ZNF519: variants seen among roughly 807,000 people sequenced by gnomAD.
ZNF519 encodes the protein zinc finger protein 519, also known as similar to Zinc finger protein 85 (Zinc finger protein HPF4) (HTF1).
In ZNF519, 7 loss-of-function variants were observed where a neutral mutation model predicts 7.4. That is an observed-to-expected ratio of 0.94 (90% confidence interval 0.54 to 1.77). ZNF519 has a LOEUF of 1.77. Among genes scored for constraint, ZNF519 ranks in the 40% most tolerant of loss-of-function variants. The pLI is 0.00. For synonymous variants in ZNF519, 179 were observed against 203.3 expected (o/e 0.88, Z 1.02); for missense variants, 586 against 623.1 (o/e 0.94, Z 0.63).
chr18:14,098,703 T>C (rs1425591702), downstream of ZNF519, among the ~76,000 whole-genome samples: 1 of 152,214 alleles, frequency 6.6e-6, no homozygotes, highest in Non-Finnish European at 1.5e-5. Flanking sequence ...TCTGGAACAC[T>C]GCCAAGATTT....
chr18:14,102,041 C>T lies in ZNF519; in HGVS notation c.*2876G>A, dbSNP rs960399553. 1 of 279,250 alleles carries T rather than the reference C, an allele frequency of 3.6e-6. No individual in the cohort carries two copies. The highest frequency in any genetic ancestry group is 6.6e-6 in the Non-Finnish European group (1 of 151,814). 17.3% of individuals were successfully genotyped at this position (279,250 alleles called of 1,614,324 possible). On this transcript the variant is annotated 3_prime_UTR_variant, in exon 3 of 3. Transcript: ENST00000590202. ...TTGAGAATTTTATGCCCTGGTAGACCACAAATGAACAATCTTTGTCAACAC... is the reference window on the plus strand; with the variant it reads ...TTGAGAATTTTATGCCCTGGTAGACTACAAATGAACAATCTTTGTCAACAC...
At chr18:14,072,327 G>C (rs939959517), downstream of ZNF519, 25 of 152,252 alleles carry the variant, frequency 1.6e-4, no homozygotes, top group Admixed American at 1.2e-3. Context: ...CTGATACTCG[G>C]TTTATAATCA....
chr18:14,125,701 T>A (rs1455926887), intron 1 of ZNF519, among the ~76,000 whole-genome samples: 1 of 151,990 alleles, frequency 6.6e-6, no homozygotes, highest in South Asian at 2.1e-4. Context: ...TTTTTTTTTT[T>A]AAGACTGAGT....
Position 14,115,887 on chromosome 18 carries a change from A to C in ZNF519, c.130+8463T>G, listed in dbSNP as rs551023742. Among the ~76,000 whole-genome samples the C allele has an allele frequency of 7.9e-5, 12 of 152,318 alleles. No individual in the cohort carries two copies. The South Asian group carries it at 2.5e-3, about 32-fold the overall frequency. On this transcript the variant is annotated intron_variant, in intron 2 of 2. Transcript: ENST00000590202. ...AACAGAAAACAGACTGAACTGTGTC[A>C]GGGGCTAAGTGGAGAAAATGGGTAG...
intron 2 of ZNF519, among the ~76,000 whole-genome samples, chr18:14,106,997 C>A (rs2046196599): frequency 2.0e-4 from 1 of 4,934 alleles, no homozygotes; most frequent in South Asian, 0.17. Context: ...ATGCTCTGGG[C>A]CCTAAAAAAC....
chr18:14,131,593 AG>A (rs2046330267), intron 1 of ZNF519, among the ~76,000 whole-genome samples: 1 of 152,232 alleles, frequency 6.6e-6, no homozygotes, highest in African/African-American at 2.4e-5. Flanking sequence ...CTAGTGGTCT[AG>A]GCCTCTATGT....
chr18:14,126,196 G>C (rs1478340146), intron 1 of ZNF519, among the ~76,000 whole-genome samples: 1 of 152,114 alleles, frequency 6.6e-6, no homozygotes, highest in Admixed American at 6.5e-5. Flanking sequence ...GATCTGCGCA[G>C]GGTTGGGACA....
rs2046172694 is a variant in ZNF519, at chr18:14,103,586, A to G, written c.*1331T>C. 1 of 152,128 alleles carries G rather than the reference A, an allele frequency of 6.6e-6. No individual in the cohort carries two copies. Among genetic ancestry groups the G allele is most frequent in the Admixed American group, 6.5e-5 (1 of 15,276 alleles). The allele number at this position is 152,128 out of a possible 1,614,324, so 9.4% of individuals were successfully genotyped here. A position where few individuals can be genotyped will look rare whatever the true frequency, so the allele number is the denominator to read the frequency against. On this transcript the variant is annotated 3_prime_UTR_variant, in exon 3 of 3. Transcript: ENST00000590202. Reference sequence around the variant, plus strand: ...CCTACATTAAAAACAAACAATTTTAAATTAATAACCTAATGTTTGGTAAAA... The same window carrying G: ...CCTACATTAAAAACAAACAATTTTAGATTAATAACCTAATGTTTGGTAAAA...
chr18:14,112,991 G>A (rs1010830340), intron 2 of ZNF519, among the ~76,000 whole-genome samples: 5 of 152,062 alleles, frequency 3.3e-5, no homozygotes, highest in African/African-American at 1.2e-4. Flanking sequence ...GCCTTTATGT[G>A]GCTGGCTTAT....
chr18:14,130,842 T>TG (rs1489435713), intron 1 of ZNF519, among the ~76,000 whole-genome samples: 41 of 117,352 alleles, frequency 3.5e-4, no homozygotes, highest in Non-Finnish European at 4.3e-4. Context: ...AAACTGGGGT[T>TG]GGGGGAAAAA....
chr18:14,120,914 C>T (rs1241833134), intron 2 of ZNF519, among the ~76,000 whole-genome samples: 1 of 152,032 alleles, frequency 6.6e-6, no homozygotes, highest in Non-Finnish European at 1.5e-5. Flanking sequence ...GTATCTTCAG[C>T]CCCCATGTTC....
At chr18:14,098,018 C>T (rs992145539), downstream of ZNF519, among the ~76,000 whole-genome samples, 1 of 152,100 alleles carries the variant, frequency 6.6e-6, no homozygotes, top group African/African-American at 2.4e-5. Flanking sequence ...GAGCTCTCAT[C>T]ATTGATAACC....
chr18:14,116,782 A>T (rs566667035), intron 2 of ZNF519, among the ~76,000 whole-genome samples: 1 of 152,300 alleles, frequency 6.6e-6, no homozygotes, highest in Admixed American at 6.5e-5. Context: ...CAAGGCAGGC[A>T]GATTACTTGA....
intron 1 of ZNF519, among the ~76,000 whole-genome samples, 197 bp downstream of exon 1, chr18:14,132,078 C>G (rs2046333429): frequency 6.6e-6 from 1 of 152,116 alleles, no homozygotes; most frequent in Admixed American, 6.5e-5. Flanking sequence ...GGGCGCAGAG[C>G]TGCGCAAAGA....
chr18:14,128,293 AAAAC>A (rs372768430), intron 1 of ZNF519, among the ~76,000 whole-genome samples: 3 of 147,806 alleles, frequency 2.0e-5, no homozygotes, highest in Non-Finnish European at 4.4e-5. Flanking sequence ...ACTCTCTCTC[AAAAC>A]AAACAAACAA....
At position 14,102,859 on chromosome 18, in the gene ZNF519, T is replaced by C. The variant is rs2046168828; in HGVS notation, c.*2058A>G. The stretch of plus-strand genomic sequence containing the variant: ...ATATTTTATATCTCATTGGAATTAA[T>C]ATAAATATAAAGCAGATTCTGATAA... On this transcript the variant is annotated 3_prime_UTR_variant, in exon 3 of 3. Transcript: ENST00000590202. The C allele has an allele frequency of 6.6e-6, 1 of 151,906 alleles. No individual in the cohort carries two copies. Among genetic ancestry groups the C allele is most frequent in the Non-Finnish European group, 1.5e-5 (1 of 67,976 alleles). The allele number at this position is 151,906 out of a possible 1,614,324, so 9.4% of individuals were successfully genotyped here.
chr18:14,111,499 T>A (rs1598518185), intron 2 of ZNF519, among the ~76,000 whole-genome samples: 1 of 117,520 alleles, frequency 8.5e-6, no homozygotes, highest in Non-Finnish European at 1.6e-5. Context: ...AGAGTGAGAC[T>A]CCTACTCAAA....
rs1206232675 is a variant in ZNF519 at position 14,105,863 on chromosome 18, T to C, written c.677A>G (p.Gln226Arg). 1 of 1,602,408 alleles carries C rather than the reference T, an allele frequency of 6.2e-7. No individual in the cohort carries two copies. The highest frequency in any genetic ancestry group is 2.2e-5 in the East Asian group (1 of 44,788). Residue 226 changes from glutamine (Q) to arginine (R), a missense_variant, in exon 3 of 3, where the codon CAA becomes CGA. Physicochemically the swap from Gln to Arg is conservative, Grantham distance 43. Transcript: ENST00000590202. The stretch of plus-strand genomic sequence containing the variant: ...CTCTCCAATATAAATTCTTTGATGT[T>C]GAGTAAGCTTTGAGAATGGGTCAGA... ...ETSDPFSKLTQHQRIYIGESS... is the reference protein window; with the variant it reads ...ETSDPFSKLTRHQRIYIGESS...
rs150233225 is a variant in ZNF519, at chr18:14,088,266, T to C, written c.131-3190A>G. ...CAGAAGAGAAAGTCTTGTTCCAAAG[T>C]AAAGAATTAGAAAAACTCGGAGTAG... On this transcript the variant is annotated intron_variant and NMD_transcript_variant, in intron 2 of 4. Coordinates refer to the ZNF519 transcript ENST00000587419. 9.1e-4 allele frequency among the ~76,000 whole-genome samples: 138 copies of C among 152,270 alleles called. 1 individual carries two copies. The highest frequency in any genetic ancestry group is 8.9e-3 in the South Asian group (43 of 4,822).
Sources: gnomAD v4.1 joint callset for allele counts (sites outside exome capture counted in the v4.1 genomes callset) on GRCh38, gnomAD v4.1.1 for gene constraint, MANE v1.5 for transcripts, NCBI Gene and HGNC (gene_info 2026-07-23, HGNC 2026-07-21) for gene names.